DEFB110: variants seen among roughly 807,000 people sequenced by gnomAD.
DEFB110 encodes beta-defensin 110.
A neutral mutation model predicts 2.5 loss-of-function variants in DEFB110; 4 were observed. The ratio of observed to expected loss-of-function variants is 1.60; its 90% CI spans 0.79 to 3.66. DEFB110 has a LOEUF of 3.66. Ranked by LOEUF, DEFB110 falls within the 30% of genes most tolerant of loss-of-function variation. DEFB110 has a pLI of 0.01. For synonymous variants in DEFB110, 29 were observed against 21.8 expected (o/e 1.33, Z -0.92); for missense variants, 94 against 75.4 (o/e 1.25, Z -0.91).
downstream of DEFB110, among the ~76,000 whole-genome samples, chr6:50,013,902 A>T (rs1453752935): frequency 6.6e-6 from 1 of 151,872 alleles, no homozygotes; most frequent in Non-Finnish European, 1.5e-5. Flanking sequence ...TGCGAGTAAT[A>T]TGATTTCGTT....
downstream of DEFB110, among the ~76,000 whole-genome samples, chr6:50,014,067 A>G (rs1210553500): frequency 1.3e-5 from 2 of 151,858 alleles, no homozygotes; most frequent in Non-Finnish European, 2.9e-5. Flanking sequence ...AGCACATCAA[A>G]ATAAGAGGAA....
chr6:50,019,169 A>T, intron 1 of DEFB110, 44 bp from the exon 2 acceptor site: 2 of 1,579,706 alleles, frequency 1.3e-6, no homozygotes, highest in Admixed American at 1.8e-5. Context: ...TCTAGCTATG[A>T]CACATCCATG....
chr6:50,021,937 G>T lies in DEFB110; in HGVS notation c.-2C>A. 1 of 1,546,622 alleles carries T rather than the reference G, an allele frequency of 6.5e-7. No homozygotes were observed. On this transcript the variant is annotated 5_prime_UTR_variant, in exon 1 of 2. Transcript: ENST00000371148. ...AAAGAAAAAAAGTTGAATCTTCATG[G>T]TAGAGAGTTTCTTAAAAAAAGGGGG...
rs7749574 is a variant in DEFB110, at chr6:50,011,508, A to T, written c.56-2237T>A. ...TCATCAAGAGTGAGGTACCACAAAT[A>T]GAGTGGAGATATGCTGTGGACATCA... On this transcript the variant is annotated intron_variant, in intron 1 of 1. Transcript: ENST00000393660. Among the ~76,000 whole-genome samples, 1,344 of 152,204 alleles carry T rather than the reference A, an allele frequency of 8.8e-3. 15 individuals are homozygous for T. The highest frequency in any genetic ancestry group is 0.028 in the African/African-American group (1,152 of 41,556).
chr6:50,016,733 A>G (rs1261343902), downstream of DEFB110, among the ~76,000 whole-genome samples: 2 of 151,784 alleles, frequency 1.3e-5, no homozygotes, highest in African/African-American at 4.8e-5. Context: ...GGAAAAAAAA[A>G]ATATTAATTT....
Position 50,018,920 on chromosome 6 carries a change from A to G in DEFB110, c.*57T>C. The G allele has an allele frequency of 1.3e-6, 2 of 1,550,718 alleles. No homozygotes were observed. The highest frequency in any genetic ancestry group is 1.7e-6 in the Non-Finnish European group (2 of 1,153,358). ...CACGCCTTGAAGGATGTGCTGGGAAAACTTAATAACGCTGGTCTCTCTTCT... is the reference window on the plus strand; with the variant it reads ...CACGCCTTGAAGGATGTGCTGGGAAGACTTAATAACGCTGGTCTCTCTTCT... On this transcript the variant is annotated 3_prime_UTR_variant, in exon 2 of 2. Transcript: ENST00000371148.
At chr6:50,016,521 C>T (rs1161889472), downstream of DEFB110, among the ~76,000 whole-genome samples, 2 of 151,790 alleles carry the variant, frequency 1.3e-5, no homozygotes, top group Non-Finnish European at 1.5e-5. Flanking sequence ...AAGAAAATCA[C>T]CAGAAATATT....
At chr6:50,014,926 A>G (rs1017701369), downstream of DEFB110, among the ~76,000 whole-genome samples, 1 of 151,832 alleles carries the variant, frequency 6.6e-6, no homozygotes, top group African/African-American at 2.4e-5. Context: ...AACTCAAAAG[A>G]TTACTGTCTC....
downstream of DEFB110, among the ~76,000 whole-genome samples, chr6:50,016,065 A>G (rs571804223): frequency 1.3e-5 from 2 of 151,960 alleles, no homozygotes; most frequent in South Asian, 4.1e-4. Context: ...TAATCCACTT[A>G]TGAAAAGTTG....
At chr6:50,014,964 A>G (rs961238921), downstream of DEFB110, among the ~76,000 whole-genome samples, 18 of 151,862 alleles carry the variant, frequency 1.2e-4, no homozygotes, top group African/African-American at 4.3e-4. Context: ...TCTTCTCTTA[A>G]CCACTTGCTA....
chr6:50,011,277 T>C (rs1582363366), intron 1 of DEFB110, among the ~76,000 whole-genome samples: 1 of 151,902 alleles, frequency 6.6e-6, no homozygotes, highest in Non-Finnish European at 1.5e-5. Flanking sequence ...TTATGTGATA[T>C]GAAACTGGGT....
At chr6:50,017,485 A>T (rs567364682), downstream of DEFB110, among the ~76,000 whole-genome samples, 1 of 152,064 alleles carries the variant, frequency 6.6e-6, no homozygotes, top group East Asian at 1.9e-4. Context: ...ATTGGGAGAA[A>T]GTGTGCTATT....
intron 1 of DEFB110, among the ~76,000 whole-genome samples, chr6:50,011,120 A>C (rs933220392): frequency 3.3e-5 from 5 of 151,684 alleles, no homozygotes; most frequent in African/African-American, 4.8e-5. Flanking sequence ...TATGAATGAA[A>C]ATAACATCCC....
intron 1 of DEFB110, among the ~76,000 whole-genome samples, chr6:50,019,574 A>T (rs1357281901): frequency 6.6e-6 from 1 of 152,036 alleles, no homozygotes; most frequent in Non-Finnish European, 1.5e-5. Context: ...GAGCTAGGCA[A>T]CGCTAGTGAA....
chr6:50,021,157 G>C (rs1774412542), intron 1 of DEFB110, among the ~76,000 whole-genome samples: 1 of 152,010 alleles, frequency 6.6e-6, no homozygotes, highest in Non-Finnish European at 1.5e-5. Context: ...CCTGTCAATT[G>C]GATGCCAAGC....
downstream of DEFB110, among the ~76,000 whole-genome samples, chr6:50,015,209 T>C (rs780402808): frequency 1.3e-5 from 2 of 151,774 alleles, no homozygotes; most frequent in Non-Finnish European, 2.9e-5. Context: ...TCTACATCCA[T>C]TCCTCATTGT....
At chr6:50,017,742 A>G (rs1260534363), downstream of DEFB110, among the ~76,000 whole-genome samples, 1 of 151,914 alleles carries the variant, frequency 6.6e-6, no homozygotes, top group Non-Finnish European at 1.5e-5. Context: ...CTTGTTGTAG[A>G]TAATGCTTAG....
chr6:50,020,400 A>C (rs918135023), intron 1 of DEFB110, among the ~76,000 whole-genome samples: 16 of 151,544 alleles, frequency 1.1e-4, no homozygotes, highest in Admixed American at 2.6e-4. Flanking sequence ...TTTAAATTGT[A>C]CCCTGGCCGA....
intron 1 of DEFB110, among the ~76,000 whole-genome samples, chr6:50,010,004 T>C (rs983676898): frequency 6.6e-6 from 1 of 152,098 alleles, no homozygotes; most frequent in Non-Finnish European, 1.5e-5. Context: ...TTATTGTTCC[T>C]AGTGATACAA....
Sources: gnomAD v4.1 joint callset for allele counts (sites outside exome capture counted in the v4.1 genomes callset) on GRCh38, gnomAD v4.1.1 for gene constraint, MANE v1.5 for transcripts, NCBI Gene and HGNC (gene_info 2026-07-23, HGNC 2026-07-21) for gene names.